ANO2: variants seen among roughly 807,000 people sequenced by gnomAD.
ANO2 encodes the protein anoctamin-2.
Under a neutral mutation model 124.2 loss-of-function variants are expected in ANO2, and 101 were observed. The ratio of observed to expected loss-of-function variants is 0.81; its 90% CI spans 0.69 to 0.96. The LOEUF (loss-of-function observed/expected upper bound fraction) is 0.96. Among genes scored for constraint, ANO2 ranks in the 40% least tolerant of loss-of-function variants. The pLI is 0.00. For synonymous variants in ANO2, 486 were observed against 482.5 expected (o/e 1.01, Z -0.09); for missense variants, 1,293 against 1,274.5 (o/e 1.01, Z -0.22).
At position 5,635,599 on chromosome 12, in the gene ANO2, T is replaced by TCTCACACACA. The variant is rs71445659; in HGVS notation, c.1621-253_1621-252insTGTGTGTGAG. 4.1e-5 allele frequency among the ~76,000 whole-genome samples: 6 copies of TCTCACACACA among 146,794 alleles called. No individual in the cohort carries two copies. The highest frequency in any genetic ancestry group is 2.0e-4 in the East Asian group (1 of 4,952). On this transcript the variant is annotated intron_variant, in intron 15 of 24. Coordinates refer to ENST00000682330, the MANE Select transcript of ANO2 (RefSeq NM_001364791.2). The surrounding 1 kb of genome is among the most constrained non-coding windows in gnomAD (Gnocchi z 5.2). ...TTTTTGTCAGATTCCAAATGATTTA[T>TCTCACACACA]CACACACACACACACACACACACAC...
chr12:5,920,974 C>A, intron 3 of ANO2, 66 bp downstream of exon 3: 8 of 1,522,798 alleles, frequency 5.3e-6, no homozygotes, highest in Non-Finnish European at 7.1e-6. Flanking sequence ...GGTGGCACTG[C>A]TCACTAGGAG....
rs1475130811 is a variant in ANO2, at chr12:5,635,075, T to A, written c.1816+77A>T. ...CATCCTGTCCCTGTCCCATTTTTTT[T>A]ATTTTATCACCAAAAGCCTTGCACG... On this transcript the variant is annotated intron_variant, in intron 16 of 24. Coordinates refer to ENST00000682330, the MANE Select transcript of ANO2 (RefSeq NM_001364791.2). The surrounding 1 kb of genome is among the most constrained non-coding windows in gnomAD (Gnocchi z 5.2). 3 of 1,311,434 alleles carry A rather than the reference T, an allele frequency of 2.3e-6. No homozygotes were observed. Among genetic ancestry groups the A allele is most frequent in the Non-Finnish European group, 3.0e-6 (3 of 986,700 alleles). 81.2% of individuals were successfully genotyped at this position (1,311,434 alleles called of 1,614,324 possible).
intron 7 of ANO2, among the ~76,000 whole-genome samples, chr12:5,822,817 AG>A (rs1953846658): frequency 6.6e-6 from 1 of 152,218 alleles, no homozygotes; most frequent in African/African-American, 2.4e-5. Flanking sequence ...CAGACTGGGA[AG>A]AAAAAGAGGT....
chr12:5,642,119 T>C (rs1235913158), intron 15 of ANO2, among the ~76,000 whole-genome samples: 1 of 152,180 alleles, frequency 6.6e-6, no homozygotes, highest in Non-Finnish European at 1.5e-5. Flanking sequence ...CCTGCCCCTT[T>C]GAAATGCTTT....
intron 3 of ANO2, among the ~76,000 whole-genome samples, chr12:5,873,006 T>A (rs1937810156): frequency 6.6e-6 from 1 of 152,168 alleles, no homozygotes; most frequent in Non-Finnish European, 1.5e-5. Context: ...GGGGACTGTT[T>A]GCACTGGGGG....
chr12:5,843,560 T>A (rs192746167), intron 4 of ANO2, among the ~76,000 whole-genome samples: 2,054 of 151,276 alleles, frequency 0.014, 21 homozygotes, highest in Non-Finnish European at 0.021. Flanking sequence ...AAAAAAAAAA[T>A]AAAATAAAAT....
At chr12:5,935,740 G>C (rs1173466475) in intron 1 of ANO2, among the ~76,000 whole-genome samples, 1 of 152,170 alleles carries the variant, frequency 6.6e-6, no homozygotes, top group Admixed American at 6.5e-5. Flanking sequence ...GGAACACAGA[G>C]GGGTTCTCAA....
chr12:5,820,828 C>T lies in ANO2; in HGVS notation c.892+6941G>A, dbSNP rs902052653. Reference sequence around the variant, plus strand: ...CTTAACCAAGTGGTAACTTCAATTGCAGCTTCTGTACCAGATGTGGTTTCA... The same window carrying T: ...CTTAACCAAGTGGTAACTTCAATTGTAGCTTCTGTACCAGATGTGGTTTCA... On this transcript the variant is annotated intron_variant, in intron 7 of 24. Coordinates refer to ENST00000682330, the MANE Select transcript of ANO2 (RefSeq NM_001364791.2). 1.4e-4 allele frequency among the ~76,000 whole-genome samples: 22 copies of T among 152,348 alleles called. No individual in the cohort carries two copies. The East Asian group carries it at 3.9e-3, about 27-fold the overall frequency.
intron 10 of ANO2, among the ~76,000 whole-genome samples, chr12:5,786,382 T>C (rs1055126771): frequency 2.0e-5 from 3 of 152,180 alleles, no homozygotes; most frequent in Non-Finnish European, 4.4e-5. Flanking sequence ...GGGTCAGTAC[T>C]GTCTGTATTA....
intron 10 of ANO2, among the ~76,000 whole-genome samples, chr12:5,788,367 CATT>C (rs1247570640): frequency 2.0e-5 from 3 of 152,228 alleles, no homozygotes; most frequent in Non-Finnish European, 2.9e-5. Context: ...CACACAACAT[CATT>C]ATTAATAGCT....
intron 9 of ANO2, 60 bp downstream of exon 9, chr12:5,805,992 C>A: frequency 6.4e-7 from 1 of 1,558,116 alleles, no homozygotes; most frequent in Non-Finnish European, 8.8e-7. Context: ...CTAGCCACTT[C>A]CACACCCACC....
chr12:5,845,669 G>C (rs1378153912), intron 4 of ANO2, among the ~76,000 whole-genome samples: 1 of 151,986 alleles, frequency 6.6e-6, no homozygotes, highest in Non-Finnish European at 1.5e-5. Context: ...ACTACCTCAA[G>C]TCCAGTTATG....
At chr12:5,905,244 G>A (rs1157288243) in intron 3 of ANO2, among the ~76,000 whole-genome samples, 2 of 152,096 alleles carry the variant, frequency 1.3e-5, no homozygotes, top group African/African-American at 4.8e-5. Flanking sequence ...GCTCTGGCAG[G>A]GAGGACGGTG....
intron 10 of ANO2, among the ~76,000 whole-genome samples, chr12:5,780,049 T>G (rs1445874038): frequency 6.6e-6 from 1 of 152,220 alleles, no homozygotes; most frequent in Non-Finnish European, 1.5e-5. Context: ...ACTTCCTGAT[T>G]TTGAAAATCA....
chr12:5,917,760 G>T lies in ANO2; in HGVS notation c.534+3280C>A, dbSNP rs1941469646. ...TTTTTTGTATTTTTAGTAGAGACAG[G>T]TTTTCACCGTGTTGGCCAGGCTGGT... On this transcript the variant is annotated intron_variant, in intron 3 of 24. Transcript: ENST00000682330. 2.0e-5 allele frequency among the ~76,000 whole-genome samples: 3 copies of T among 151,676 alleles called. No individual in the cohort carries two copies. In the South Asian group the frequency reaches 6.3e-4, roughly 32 times the overall value.
intron 20 of ANO2, among the ~76,000 whole-genome samples, chr12:5,594,672 C>A (rs980858454): frequency 2.6e-5 from 4 of 152,036 alleles, no homozygotes; most frequent in Non-Finnish European, 5.9e-5. Context: ...CTCACAGCTA[C>A]AAAAAAATCA....
At chr12:5,890,947 T>C (rs577202602) in intron 3 of ANO2, among the ~76,000 whole-genome samples, 1 of 152,288 alleles carries the variant, frequency 6.6e-6, no homozygotes, top group South Asian at 2.1e-4. Context: ...CATATAGAAC[T>C]TGAATCTCCC....
At chr12:5,567,656 CT>C in intron 23 of ANO2, among the ~76,000 whole-genome samples, 1 of 152,346 alleles carries the variant, frequency 6.6e-6, no homozygotes, top group East Asian at 1.9e-4. Flanking sequence ...GCTCACCCCT[CT>C]TTTTTCCAGT....
intron 11 of ANO2, among the ~76,000 whole-genome samples, chr12:5,749,126 G>A (rs1951363866): frequency 6.6e-6 from 1 of 152,180 alleles, no homozygotes. Context: ...GCACCAGTAG[G>A]CAGGAAGCAG....
Sources: allele counts gnomAD v4.1 joint callset (sites outside exome capture counted in the v4.1 genomes callset), GRCh38; gene constraint gnomAD v4.1.1; non-coding constraint Gnocchi (gnomAD v3.1); transcripts MANE v1.5; gene names NCBI Gene and HGNC (gene_info 2026-07-23, HGNC 2026-07-21).